ADAMTS19: variants seen among roughly 807,000 people sequenced by gnomAD.
ADAMTS19 encodes A disintegrin and metalloproteinase with thrombospondin motifs 19.
In ADAMTS19, 93 loss-of-function variants were observed where a neutral mutation model predicts 153.3. That is an observed-to-expected ratio of 0.61 (90% CI 0.51 to 0.72). The LOEUF is 0.72. Among genes scored for constraint, ADAMTS19 ranks in the 30% least tolerant of loss-of-function variants. The probability of loss-of-function intolerance (pLI) is 0.00; values close to 1 mark genes in which losing one functional copy is unlikely to be tolerated. For missense variants in ADAMTS19, 1,482 were observed against 1,552.1 expected (o/e 0.95, Z 0.76); for synonymous variants, 600 against 556.6 (o/e 1.08, Z -1.10).
At chr5:129,517,305 C>T (rs1473480246) in intron 3 of ADAMTS19, among the ~76,000 whole-genome samples, 13 of 151,834 alleles carry the variant, frequency 8.6e-5, no homozygotes, top group Admixed American at 7.9e-4. Context: ...GTCATTTGGC[C>T]TATAGTGCAG....
intron 8 of ADAMTS19, among the ~76,000 whole-genome samples, chr5:129,598,440 G>T (rs1473162301): frequency 6.6e-6 from 1 of 152,172 alleles, no homozygotes; most frequent in Non-Finnish European, 1.5e-5. Context: ...GACAGTAGTT[G>T]ATTTAAAAAG....
chr5:129,466,502 C>T (rs935169074), intron 2 of ADAMTS19, among the ~76,000 whole-genome samples: 1 of 151,468 alleles, frequency 6.6e-6, no homozygotes, highest in Non-Finnish European at 1.5e-5. Context: ...AGGTTAGATA[C>T]AATGGAACTG....
intron 3 of ADAMTS19, among the ~76,000 whole-genome samples, chr5:129,515,455 C>A (rs1289926501): frequency 2.0e-5 from 3 of 151,868 alleles, no homozygotes; most frequent in East Asian, 3.9e-4. Context: ...TTTTTGGTAT[C>A]TTCTTCAATT....
chr5:129,579,065 A>G (rs1478132802), intron 7 of ADAMTS19, among the ~76,000 whole-genome samples: 1 of 152,198 alleles, frequency 6.6e-6, no homozygotes, highest in Non-Finnish European at 1.5e-5. Flanking sequence ...CCAACAGTAT[A>G]AAAGCATTCC....
chr5:129,551,861 T>C lies in ADAMTS19; in HGVS notation c.1329-3T>C, dbSNP rs776518955. The C allele has an allele frequency of 1.1e-5, 17 of 1,566,450 alleles. No homozygotes were observed. The highest frequency in any genetic ancestry group is 1.5e-5 in the Non-Finnish European group (17 of 1,155,254). On this transcript the variant is annotated splice_region_variant and splice_polypyrimidine_tract_variant and intron_variant, in intron 6 of 22. Coordinates refer to ENST00000274487, the MANE Select transcript of ADAMTS19 (RefSeq NM_133638.6). ...TATTTCAGTTTTCTATTTTTCTTTC[T>C]AGGAAAGATTTCTGTGTGCACAAAG...
Position 129,526,568 on chromosome 5 carries a change from C to T in ADAMTS19, c.1086+112C>T, listed in dbSNP as rs1752015868. On this transcript the variant is annotated intron_variant, in intron 4 of 22. Transcript: ENST00000274487. ...AATTAACTCATTACTATTCCTTTCT[C>T]TTATTGTCATCAGTAAAAAAATACT... 1.1e-5 allele frequency: 11 copies of T among 1,035,550 alleles called. No individual in the cohort carries two copies. In the South Asian group the frequency reaches 1.5e-4, roughly 14 times the overall value. The allele number at this position is 1,035,550 out of a possible 1,614,324, so 64.1% of individuals were successfully genotyped here. A position where few individuals can be genotyped will look rare whatever the true frequency, so the allele number is the denominator to read the frequency against.
chr5:129,670,682 A>C (rs1003294658), intron 16 of ADAMTS19, among the ~76,000 whole-genome samples: 2 of 152,176 alleles, frequency 1.3e-5, no homozygotes, highest in African/African-American at 4.8e-5. Flanking sequence ...CATTTTCTTT[A>C]AACTTATCCC....
At chr5:129,720,172 T>TATATATATATATATATA (rs1756929118) in intron 21 of ADAMTS19, among the ~76,000 whole-genome samples, 1 of 121,038 alleles carries the variant, frequency 8.3e-6, no homozygotes, top group African/African-American at 4.6e-5. Flanking sequence ...ATATATATAT[T>TATATATATATATATATA]TATTTTTTTT....
chr5:129,652,272 T>C (rs1169411498), intron 13 of ADAMTS19, among the ~76,000 whole-genome samples: 1 of 152,206 alleles, frequency 6.6e-6, no homozygotes, highest in Non-Finnish European at 1.5e-5. Context: ...TATAGCGCTG[T>C]GGAAGAAATG....
intron 8 of ADAMTS19, among the ~76,000 whole-genome samples, chr5:129,619,564 A>G (rs1409642124): frequency 6.6e-6 from 1 of 152,062 alleles, no homozygotes; most frequent in Non-Finnish European, 1.5e-5. Flanking sequence ...AAATTGTCTT[A>G]TGGATAATGA....
At chr5:129,522,314 T>TACACACACACACACAC (rs1455704023) in intron 3 of ADAMTS19, among the ~76,000 whole-genome samples, 48 of 94,414 alleles carry the variant, frequency 5.1e-4, no homozygotes, top group African/African-American at 1.9e-3. Flanking sequence ...TATATATATA[T>TACACACACACACACAC]ATACACACAC....
At chr5:129,490,592 G>A (rs1242288784) in intron 2 of ADAMTS19, among the ~76,000 whole-genome samples, 2 of 152,114 alleles carry the variant, frequency 1.3e-5, no homozygotes, top group Non-Finnish European at 2.9e-5. Flanking sequence ...ATTTTCAGTT[G>A]ATACATCTAC....
intron 3 of ADAMTS19, among the ~76,000 whole-genome samples, chr5:129,523,898 T>G (rs1304898062): frequency 6.6e-6 from 1 of 152,138 alleles, no homozygotes; most frequent in Admixed American, 6.5e-5. Flanking sequence ...CCAAAGTAAT[T>G]TATAGATTCA....
intron 2 of ADAMTS19, among the ~76,000 whole-genome samples, chr5:129,467,008 T>G (rs1277353588): frequency 6.6e-6 from 1 of 152,214 alleles, no homozygotes; most frequent in African/African-American, 2.4e-5. Context: ...TAAACAACTT[T>G]CTTATTTTTC....
chr5:129,684,855 C>T (rs1021846095), intron 18 of ADAMTS19, among the ~76,000 whole-genome samples: 5 of 151,934 alleles, frequency 3.3e-5, no homozygotes, highest in Admixed American at 2.0e-4. Context: ...GGTGTGGTGG[C>T]GGGCGCCTGT....
intron 16 of ADAMTS19, among the ~76,000 whole-genome samples, chr5:129,677,136 T>TA (rs1377225446): frequency 3.9e-5 from 6 of 152,094 alleles, no homozygotes; most frequent in Admixed American, 3.3e-4. Flanking sequence ...TGATCAAAAT[T>TA]AAAAAATTAT....
intron 17 of ADAMTS19, 81 bp from the exon 18 acceptor site, chr5:129,684,039 A>C: frequency 5.1e-6 from 7 of 1,383,114 alleles, no homozygotes; most frequent in Non-Finnish European, 6.9e-6. Flanking sequence ...CATTTTAAGT[A>C]TCAATATTGT....
At chr5:129,471,256 C>G (rs1236263903) in intron 2 of ADAMTS19, among the ~76,000 whole-genome samples, 1 of 152,038 alleles carries the variant, frequency 6.6e-6, no homozygotes, top group Non-Finnish European at 1.5e-5. Context: ...GCTCCAGCTA[C>G]TCAGGAGGTT....
At chr5:129,634,907 G>A (rs1752467156) in intron 10 of ADAMTS19, among the ~76,000 whole-genome samples, 2 of 148,574 alleles carry the variant, frequency 1.3e-5, no homozygotes, top group South Asian at 4.3e-4. Context: ...GAGAGAGAGA[G>A]AGAAATGGGA....
Sources: gnomAD v4.1 joint callset for allele counts (sites outside exome capture counted in the v4.1 genomes callset) on GRCh38, gnomAD v4.1.1 for gene constraint, MANE v1.5 for transcripts, NCBI Gene and HGNC (gene_info 2026-07-23, HGNC 2026-07-21) for gene names.